The following PRTG variants were observed in gnomAD, a reference collection of about 807,000 sequenced individuals.
PRTG encodes the protein protogenin, also known as immunoglobulin superfamily, DCC subclass, member 5.
PRTG carries 67 observed loss-of-function variants against 122.5 expected under a neutral mutation model. That is an observed-to-expected ratio of 0.55 (90% CI 0.45 to 0.67). PRTG has a LOEUF of 0.67. Ranked by LOEUF, PRTG falls within the 30% of genes least tolerant of loss-of-function variation. The probability of loss-of-function intolerance (pLI) is 0.00; values close to 1 mark genes in which losing one functional copy is unlikely to be tolerated. For synonymous variants in PRTG, 554 were observed against 501.1 expected, an observed-to-expected ratio of 1.11 and a Z score of -1.41; for missense variants, 1,435 against 1,415.4, an observed-to-expected ratio of 1.01 and a Z score of -0.22.
At chr15:55,676,101 C>A (rs879510824) in intron 8 of PRTG, among the ~76,000 whole-genome samples, 10 of 152,040 alleles carry the variant, frequency 6.6e-5, no homozygotes, top group Non-Finnish European at 1.5e-4. Flanking sequence ...GTAATGGCTC[C>A]ACTCTTTAGA....
intron 6 of PRTG, 187 bp from the exon 7 acceptor site, chr15:55,679,632 C>T (rs1418718739): frequency 1.9e-6 from 1 of 515,072 alleles, no homozygotes. Flanking sequence ...TTCACTTCCT[C>T]CATGATTTCC....
rs2059198089 is a variant in PRTG, at chr15:55,626,939, C to T, written c.2927+69G>A. On this transcript the variant is annotated intron_variant, in intron 17 of 19. Coordinates refer to ENST00000389286, the MANE Select transcript of PRTG (RefSeq NM_173814.6). Reference sequence around the variant, plus strand: ...GTTACTCTAAAAGGCACTTGACTTTCATTTGTTTCCTGTGGCTACCGTAAT... The same window carrying T: ...GTTACTCTAAAAGGCACTTGACTTTTATTTGTTTCCTGTGGCTACCGTAAT... 2.7e-6 allele frequency: 4 copies of T among 1,459,148 alleles called. No individual in the cohort carries two copies. The South Asian group carries it at 5.6e-5, about 20-fold the overall frequency. The allele number at this position is 1,459,148 out of a possible 1,614,324, so 90.4% of individuals were successfully genotyped here.
Position 55,740,453 on chromosome 15 carries a change from C to CGATT in PRTG, c.325_326insAATC (p.Gly109GlufsTer17). 1 of 1,614,138 alleles carries CGATT rather than the reference C, an allele frequency of 6.2e-7. No homozygotes were observed. Among genetic ancestry groups the CGATT allele is most frequent in the Non-Finnish European group, 8.5e-7 (1 of 1,180,024 alleles). ...GTTCATTGCCAAGCACTGATAAAAT[C>CGATT]CTTCATCGGACTGCTCTCCTCGCCT... On this transcript the variant is annotated frameshift_variant, in exon 2 of 20. Transcript: ENST00000389286. LOFTEE classifies it high-confidence loss of function.
chr15:55,688,877 G>A (rs1264688893), intron 2 of PRTG, among the ~76,000 whole-genome samples: 1 of 152,128 alleles, frequency 6.6e-6, no homozygotes. Context: ...AAGTCATCGT[G>A]TCCAAAATGA....
At chr15:55,707,081 G>A (rs1383277249) in intron 2 of PRTG, among the ~76,000 whole-genome samples, 1 of 152,174 alleles carries the variant, frequency 6.6e-6, no homozygotes, top group Non-Finnish European at 1.5e-5. Flanking sequence ...AGGCAGTGGG[G>A]AGCCATTGAA....
intron 3 of PRTG, among the ~76,000 whole-genome samples, chr15:55,683,240 T>C (rs906937339): frequency 6.6e-6 from 1 of 152,184 alleles, no homozygotes; most frequent in African/African-American, 2.4e-5. Context: ...CTTAGTGCTT[T>C]ACCATGTTAG....
Position 55,634,850 on chromosome 15 carries a change from AG to A in PRTG, c.2623+2319del, listed in dbSNP as rs201463980. 5.4e-3 allele frequency among the ~76,000 whole-genome samples: 826 copies of A among 152,094 alleles called. 12 individuals are homozygous for A. The highest frequency in any genetic ancestry group is 0.018 in the African/African-American group (759 of 41,492). ...GAGACTCCGTCTCCAAAAAAAAAAA[AG>A]AATACTGTGGTAGACTGTAATACTG... On this transcript the variant is annotated intron_variant, in intron 15 of 19. Transcript: ENST00000389286.
At chr15:55,627,314 TCCAA>T (rs2059200368) in intron 16 of PRTG, among the ~76,000 whole-genome samples, 186 bp from the exon 17 acceptor site, 3 of 150,208 alleles carry the variant, frequency 2.0e-5, no homozygotes, top group African/African-American at 7.3e-5. Context: ...AGATTTCTCT[TCCAA>T]TATTAAAGTT....
chr15:55,642,769 CTA>C (rs2059299741), intron 11 of PRTG, among the ~76,000 whole-genome samples: 3 of 152,058 alleles, frequency 2.0e-5, no homozygotes, highest in South Asian at 4.2e-4. Context: ...AAAAATAATT[CTA>C]GAGTGAATCC....
At chr15:55,676,639 G>A (rs1026422011) in intron 8 of PRTG, among the ~76,000 whole-genome samples, 29 of 152,114 alleles carry the variant, frequency 1.9e-4, no homozygotes, top group African/African-American at 6.5e-4. Context: ...TGCATAGTAC[G>A]ATTTCTGACC....
Position 55,680,131 on chromosome 15 carries a change from G to C in PRTG, c.896C>G (p.Ala299Gly). 1 of 1,612,768 alleles carries C rather than the reference G, an allele frequency of 6.2e-7. No individual in the cohort carries two copies. The highest frequency in any genetic ancestry group is 8.5e-7 in the Non-Finnish European group (1 of 1,178,876). The change falls in exon 6 of 20, where the codon GCT becomes GGT. Residue 299 changes from alanine to glycine, a missense_variant. Ala to Gly is a moderately conservative substitution (Grantham distance 60). Coordinates refer to ENST00000389286, the MANE Select transcript of PRTG (RefSeq NM_173814.6). ...AGTGGCCCGACAAACATATACTCCAGCATGTTGTAGCCTGACATCAGATAT... is the reference window on the plus strand; with the variant it reads ...AGTGGCCCGACAAACATATACTCCACCATGTTGTAGCCTGACATCAGATAT... ...LMISDVRLQHAGVYVCRATTP... is the reference protein window; with the variant it reads ...LMISDVRLQHGGVYVCRATTP...
chr15:55,641,196 T>C lies in PRTG; in HGVS notation c.2054A>G (p.Lys685Arg), dbSNP rs961285423. 3.3e-5 allele frequency: 53 copies of C among 1,612,596 alleles called. No homozygotes were observed. Among genetic ancestry groups the C allele is most frequent in the Non-Finnish European group, 4.4e-5 (52 of 1,178,788 alleles). The change falls in exon 12 of 20, where the codon AAA becomes AGA. Residue 685 changes from lysine (K) to arginine (R), a missense_variant. By Grantham distance (26) the Lys-to-Arg change is conservative. Coordinates refer to ENST00000389286, the MANE Select transcript of PRTG (RefSeq NM_173814.6). Reference protein sequence around the residue: ...YTLSGLDPRRKYHVRLLAYNN... With the variant: ...YTLSGLDPRRRYHVRLLAYNN... ...GTAAGCCAGGAGTCTCACATGATAT[T>C]TTCTTCTGGGGTCTATAAAGAAACC...
At chr15:55,709,714 C>G (rs2030304461) in intron 2 of PRTG, among the ~76,000 whole-genome samples, 1 of 152,054 alleles carries the variant, frequency 6.6e-6, no homozygotes, top group South Asian at 2.1e-4. Flanking sequence ...CAAAAATGAA[C>G]CAACATGAAT....
chr15:55,626,586 T>C (rs914782726), intron 17 of PRTG, among the ~76,000 whole-genome samples: 3 of 131,294 alleles, frequency 2.3e-5, no homozygotes, highest in Non-Finnish European at 4.8e-5. Context: ...CCATCTCTAC[T>C]AAAAATACAA....
chr15:55,713,958 T>A (rs1595671390), intron 2 of PRTG, among the ~76,000 whole-genome samples: 2 of 152,196 alleles, frequency 1.3e-5, no homozygotes, highest in Non-Finnish European at 2.9e-5. Flanking sequence ...AGGCTTTCTG[T>A]AAAATATTTT....
Position 55,639,711 on chromosome 15 carries a change from A to T in PRTG, c.2255T>A (p.Ile752Asn), listed in dbSNP as rs1414192899. The T allele has an allele frequency of 6.2e-7, 1 of 1,614,148 alleles. No individual in the cohort carries two copies. The highest frequency in any genetic ancestry group is 8.5e-7 in the Non-Finnish European group (1 of 1,180,026). ...ATTACAGCGGATGGTGTAGTTAATGATTTGTGCAGCGGTGAATGCAGGCCT... is the reference window on the plus strand; with the variant it reads ...ATTACAGCGGATGGTGTAGTTAATGTTTTGTGCAGCGGTGAATGCAGGCCT... ...WRRPAFTAAQ[I>N]INYTIRCNPV... The change falls in exon 13 of 20, where the codon ATC (isoleucine) becomes AAC (asparagine). Residue 752 changes from isoleucine (I) to asparagine (N), a missense_variant. Ile to Asn is a moderately radical substitution (Grantham distance 149). Coordinates refer to ENST00000389286, the MANE Select transcript of PRTG (RefSeq NM_173814.6).
In PRTG at chr15:55,675,587, A is replaced by G. The variant is rs1403882981; in HGVS notation, c.1478T>C (p.Ile493Thr). 1 of 1,611,134 alleles carries G rather than the reference A, an allele frequency of 6.2e-7. No individual in the cohort carries two copies. Among genetic ancestry groups the G allele is most frequent in the Non-Finnish European group, 8.5e-7 (1 of 1,177,556 alleles). Residue 493 changes from isoleucine to threonine, a missense_variant, in exon 9 of 20, where the codon ATT (isoleucine) becomes ACT (threonine). Coordinates refer to ENST00000389286, the MANE Select transcript of PRTG (RefSeq NM_173814.6). ...GGCTCCCATTGGCATATATGCTACAATGTAGAAAGTATAATTGCTGGCAGG... is the reference window on the plus strand; with the variant it reads ...GGCTCCCATTGGCATATATGCTACAGTGTAGAAAGTATAATTGCTGGCAGG... ...LEPASNYTFYIVAYMPMGASQ... is the reference protein window; with the variant it reads ...LEPASNYTFYTVAYMPMGASQ...
intron 2 of PRTG, among the ~76,000 whole-genome samples, chr15:55,739,005 T>C (rs1419547387): frequency 1.3e-5 from 2 of 152,092 alleles, no homozygotes; most frequent in Non-Finnish European, 2.9e-5. Flanking sequence ...CTCAGGTTTA[T>C]GCTGGTCTTT....
At chr15:55,686,612 T>C (rs16976473) in intron 2 of PRTG, among the ~76,000 whole-genome samples, 2,982 of 152,254 alleles carry the variant, frequency 0.02, 100 homozygotes, top group African/African-American at 0.069. Flanking sequence ...CTGGAGCCTC[T>C]TAGCTGGTAT....
Sources: allele counts gnomAD v4.1 joint callset (sites outside exome capture counted in the v4.1 genomes callset), GRCh38; gene constraint gnomAD v4.1.1; transcripts MANE v1.5; gene names NCBI Gene and HGNC (gene_info 2026-07-23, HGNC 2026-07-21).